The following PDSS2 variants were observed in gnomAD, a reference collection of about 807,000 sequenced individuals.
The protein encoded by PDSS2 is all trans-polyprenyl-diphosphate synthase PDSS2.
In PDSS2, 31 loss-of-function variants were observed where a neutral mutation model predicts 44.5. The observed-to-expected ratio is 0.70, with a 90% confidence interval of 0.52 to 0.94. The LOEUF (loss-of-function observed/expected upper bound fraction) is 0.94, where lower values mean the gene tolerates loss of function less well. PDSS2 is among the 40% of genes least tolerant of loss of function. PDSS2 has a pLI of 0.00. For synonymous variants in PDSS2, 157 were observed against 180.3 expected (o/e 0.87, Z 1.03); for missense variants, 452 against 482.2 (o/e 0.94, Z 0.59).
chr6:107,429,169 T>G (rs1469457206), intron 1 of PDSS2, among the ~76,000 whole-genome samples: 1 of 152,030 alleles, frequency 6.6e-6, no homozygotes, highest in East Asian at 1.9e-4. Flanking sequence ...TTGAATCGAG[T>G]CCTATAAAGG....
At chr6:107,302,036 C>T (rs1041133525) in intron 2 of PDSS2, among the ~76,000 whole-genome samples, 6 of 150,770 alleles carry the variant, frequency 4.0e-5, no homozygotes, top group African/African-American at 9.8e-5. Context: ...GATAGTTGCA[C>T]GACTCTGTAA....
At chr6:107,165,645 C>T (rs1258416833) in intron 7 of PDSS2, among the ~76,000 whole-genome samples, 37 of 151,412 alleles carry the variant, frequency 2.4e-4, no homozygotes, top group African/African-American at 6.3e-4. Context: ...CTTGGCAATG[C>T]AGGCTCTTTT....
chr6:107,329,282 G>A (rs1406290397), intron 2 of PDSS2, among the ~76,000 whole-genome samples: 4 of 152,176 alleles, frequency 2.6e-5, no homozygotes, highest in African/African-American at 7.2e-5. Context: ...ACTGAGGTGC[G>A]GCTAGCAGGT....
chr6:107,315,882 G>A (rs1408970136), intron 2 of PDSS2, among the ~76,000 whole-genome samples: 3 of 152,196 alleles, frequency 2.0e-5, no homozygotes, highest in African/African-American at 7.2e-5. Flanking sequence ...CAAGTGAGAG[G>A]AGGCTGGGGC....
At chr6:107,243,775 C>T (rs1010325742) in intron 4 of PDSS2, among the ~76,000 whole-genome samples, 1 of 152,160 alleles carries the variant, frequency 6.6e-6, no homozygotes, top group African/African-American at 2.4e-5. Context: ...TAGGTGAGGA[C>T]AGGCACTCCT....
intron 7 of PDSS2, among the ~76,000 whole-genome samples, chr6:107,181,533 C>CAAAAA (rs199867474): frequency 9.3e-6 from 1 of 108,042 alleles, no homozygotes; most frequent in Non-Finnish European, 1.8e-5. Flanking sequence ...ATCTCTGTCT[C>CAAAAA]AAAAAAAAAA....
At chr6:107,360,006 T>C (rs545591319) in intron 1 of PDSS2, among the ~76,000 whole-genome samples, 1 of 152,304 alleles carries the variant, frequency 6.6e-6, no homozygotes, top group African/African-American at 2.4e-5. Context: ...AAGCTAGCCA[T>C]TCAGTCCATG....
chr6:107,172,853 C>CAG (rs2114391768), intron 7 of PDSS2, among the ~76,000 whole-genome samples: 1 of 150,618 alleles, frequency 6.6e-6, no homozygotes, highest in African/African-American at 2.4e-5. Context: ...TGGCTGGGCA[C>CAG]GGCAGCTCAC....
At chr6:107,421,106 T>C (rs540436221) in intron 1 of PDSS2, among the ~76,000 whole-genome samples, 194 of 152,332 alleles carry the variant, frequency 1.3e-3, no homozygotes, top group Non-Finnish European at 7.5e-4. Flanking sequence ...TTCGACATCA[T>C]TAGGCATTAA....
intron 2 of PDSS2, among the ~76,000 whole-genome samples, chr6:107,292,637 AT>A (rs1776383770): frequency 6.6e-6 from 1 of 152,262 alleles, no homozygotes; most frequent in African/African-American, 2.4e-5. Context: ...GAGTACTTTA[AT>A]AAAGAATAAC....
intron 1 of PDSS2, among the ~76,000 whole-genome samples, chr6:107,417,810 CACACAT>C (rs1037338513): frequency 6.4e-5 from 8 of 125,024 alleles, no homozygotes; most frequent in East Asian, 2.3e-4. Context: ...CACACACACA[CACACAT>C]ATATACACCT....
intron 2 of PDSS2, among the ~76,000 whole-genome samples, chr6:107,306,077 T>C (rs1027118269): frequency 1.3e-5 from 2 of 152,196 alleles, no homozygotes; most frequent in Non-Finnish European, 2.9e-5. Flanking sequence ...CAAGGCCATA[T>C]GGGTGACAGA....
At chr6:107,327,785 A>G (rs1420780235) in intron 2 of PDSS2, among the ~76,000 whole-genome samples, 2 of 152,188 alleles carry the variant, frequency 1.3e-5, no homozygotes, top group African/African-American at 4.8e-5. Flanking sequence ...CTTTAAATAT[A>G]TTATATTGCT....
intron 4 of PDSS2, among the ~76,000 whole-genome samples, chr6:107,212,595 T>C (rs1166384651): frequency 6.6e-6 from 1 of 152,218 alleles, no homozygotes; most frequent in East Asian, 1.9e-4. Flanking sequence ...AACTCCCTTC[T>C]ATAGTCAATA....
intron 1 of PDSS2, among the ~76,000 whole-genome samples, chr6:107,427,248 T>C (rs1781034404): frequency 6.6e-6 from 1 of 152,222 alleles, no homozygotes; most frequent in South Asian, 2.1e-4. Flanking sequence ...CAATCTCTTT[T>C]TGCCTGCTGC....
chr6:107,370,923 G>A (rs369995779), intron 1 of PDSS2, among the ~76,000 whole-genome samples: 68 of 152,240 alleles, frequency 4.5e-4, no homozygotes, highest in African/African-American at 1.5e-3. Flanking sequence ...AGTGGCTTAC[G>A]CCTGTAACCC....
chr6:107,229,240 G>A (rs1454864326), intron 4 of PDSS2, among the ~76,000 whole-genome samples: 5 of 152,148 alleles, frequency 3.3e-5, no homozygotes, highest in South Asian at 2.1e-4. Context: ...AGGCTGGAGT[G>A]CAATGGCGTG....
chr6:107,315,141 C>T (rs73511166), intron 2 of PDSS2, among the ~76,000 whole-genome samples: 1 of 151,918 alleles, frequency 6.6e-6, no homozygotes, highest in Non-Finnish European at 1.5e-5. Flanking sequence ...AAAAGGATAA[C>T]CCATTTTTAA....
At position 107,153,173 on chromosome 6, in the gene PDSS2, C is replaced by A. The variant is rs1770768467; in HGVS notation, c.*1446G>T. ...GTTTGAGCGAACTAGGTAATAAAAT[C>A]TGTTTGCTGTATTCGCTGTCTCCAG... is the stretch of plus-strand genomic sequence containing the variant. On this transcript the variant is annotated 3_prime_UTR_variant, in exon 8 of 8. Transcript: ENST00000369037. The A allele has an allele frequency of 6.6e-6, 1 of 152,564 alleles. No individual in the cohort carries two copies. The highest frequency in any genetic ancestry group is 2.4e-5 in the African/African-American group (1 of 41,418). The allele number at this position is 152,564 out of a possible 1,614,324, so 9.5% of individuals were successfully genotyped here. A position where few individuals can be genotyped will look rare whatever the true frequency, so the allele number is the denominator to read the frequency against.
Sources: allele counts gnomAD v4.1 joint callset (sites outside exome capture counted in the v4.1 genomes callset), GRCh38; gene constraint gnomAD v4.1.1; transcripts MANE v1.5; gene names NCBI Gene and HGNC (gene_info 2026-07-23, HGNC 2026-07-21).